Variants in DAB1 observed in about 807,000 individuals in gnomAD.
The protein encoded by DAB1 is disabled homolog 1.
Under a neutral mutation model 64.6 loss-of-function variants are expected in DAB1, and 15 were observed. The ratio of observed to expected loss-of-function variants is 0.23; its 90% CI spans 0.16 to 0.36. The LOEUF (loss-of-function observed/expected upper bound fraction) is 0.36, where lower values mean the gene tolerates loss of function less well. DAB1 is among the 10% of genes least tolerant of loss of function. The probability of loss-of-function intolerance (pLI) is 1.00; values close to 1 mark genes in which losing one functional copy is unlikely to be tolerated. For synonymous variants in DAB1, 235 were observed against 251.9 expected, an observed-to-expected ratio of 0.93 and a Z score of 0.64; for missense variants, 596 against 706.7, an observed-to-expected ratio of 0.84 and a Z score of 1.78.
chr1:57,506,530 T>C (rs1045871884), intron 7 of DAB1, among the ~76,000 whole-genome samples: 1 of 152,230 alleles, frequency 6.6e-6, no homozygotes, highest in Non-Finnish European at 1.5e-5. Context: ...TCTGTGCCTA[T>C]GCAGGGAGAA....
At chr1:57,641,693 T>G (rs1646132713) in intron 7 of DAB1, among the ~76,000 whole-genome samples, 1 of 152,072 alleles carries the variant, frequency 6.6e-6, no homozygotes, top group Non-Finnish European at 1.5e-5. Context: ...CAGCGTAATC[T>G]CTGAATAATA....
intron 4 of DAB1, among the ~76,000 whole-genome samples, chr1:58,275,199 T>G (rs992608868): frequency 6.6e-5 from 10 of 152,310 alleles, no homozygotes; most frequent in African/African-American, 1.9e-4. Context: ...ATCAAAGATG[T>G]AAATATAAGA....
rs1173139030 is a variant in DAB1 at position 57,630,772 on chromosome 1, G to C, written n.625+18820C>G. On this transcript the variant is annotated intron_variant and non_coding_transcript_variant, in intron 7 of 20. Transcript: ENST00000485760. ...TTACCACTGAAATATCCACGGATTTGTTGGTATGCTATTTTCATTATTTTT... is the reference window on the plus strand; with the variant it reads ...TTACCACTGAAATATCCACGGATTTCTTGGTATGCTATTTTCATTATTTTT... Among the ~76,000 whole-genome samples, 15 of 152,142 alleles carry C rather than the reference G, an allele frequency of 9.9e-5. 1 individual carries two copies. Among genetic ancestry groups the C allele is most frequent in the Admixed American group, 9.8e-4 (15 of 15,270 alleles).
At chr1:57,124,570 T>A (rs1656961528) in intron 4 of DAB1, among the ~76,000 whole-genome samples, 2 of 152,206 alleles carry the variant, frequency 1.3e-5, no homozygotes, top group South Asian at 4.1e-4. Flanking sequence ...TCATGAAAGA[T>A]TCAGATCTCA....
At chr1:58,021,741 T>C (rs971036247) in intron 5 of DAB1, among the ~76,000 whole-genome samples, 2 of 152,110 alleles carry the variant, frequency 1.3e-5, no homozygotes, top group Non-Finnish European at 2.9e-5. Flanking sequence ...TAAATGTAGA[T>C]GTGGTATAGG....
At chr1:57,878,976 G>T (rs1032789089) in intron 1 of DAB1, among the ~76,000 whole-genome samples, 1 of 152,108 alleles carries the variant, frequency 6.6e-6, no homozygotes, top group Non-Finnish European at 1.5e-5. Flanking sequence ...TCCTCCAGGC[G>T]TATCCATTTT....
chr1:57,078,409 A>G (rs908012641), intron 4 of DAB1, among the ~76,000 whole-genome samples: 3 of 152,192 alleles, frequency 2.0e-5, no homozygotes, highest in African/African-American at 4.8e-5. Flanking sequence ...CTCTTTTTGT[A>G]TAATACAAAG....
chr1:57,618,252 T>C (rs1470780083), intron 7 of DAB1, among the ~76,000 whole-genome samples: 1 of 151,976 alleles, frequency 6.6e-6, no homozygotes, highest in Non-Finnish European at 1.5e-5. Context: ...CCATCTCTAC[T>C]AAAAATACAA....
intron 3 of DAB1, among the ~76,000 whole-genome samples, chr1:58,349,689 A>C (rs1317746249): frequency 2.6e-5 from 4 of 151,806 alleles, no homozygotes; most frequent in Non-Finnish European, 5.9e-5. Context: ...ACTCCCACTT[A>C]TGAGTGAGAA....
At chr1:58,371,458 G>C (rs1644263749) in intron 3 of DAB1, among the ~76,000 whole-genome samples, 1 of 152,186 alleles carries the variant, frequency 6.6e-6, no homozygotes, top group Non-Finnish European at 1.5e-5. Context: ...AGAAGAAGCA[G>C]AGCAGAAAAG....
chr1:57,026,767 C>T (rs183800707), intron 9 of DAB1, among the ~76,000 whole-genome samples: 8 of 152,320 alleles, frequency 5.3e-5, no homozygotes, highest in Non-Finnish European at 1.0e-4. Flanking sequence ...ACTGCAGACA[C>T]TGCATCATCT....
intron 4 of DAB1, among the ~76,000 whole-genome samples, chr1:57,102,463 T>C (rs1050262247): frequency 2.0e-5 from 3 of 152,180 alleles, no homozygotes; most frequent in Admixed American, 6.5e-5. Flanking sequence ...ATTTTGTAAA[T>C]AGTGTTTGGA....
intron 5 of DAB1, among the ~76,000 whole-genome samples, chr1:57,917,296 GT>G (rs1375618002): frequency 6.6e-6 from 1 of 152,132 alleles, no homozygotes; most frequent in Non-Finnish European, 1.5e-5. Flanking sequence ...GGCTTGAGGT[GT>G]TCCTAAAGGA....
intron 6 of DAB1, among the ~76,000 whole-genome samples, chr1:57,746,325 T>A (rs192293488): frequency 6.6e-6 from 1 of 152,302 alleles, no homozygotes; most frequent in East Asian, 1.9e-4. Context: ...TTTCTTCATT[T>A]TTTTTCTGGA....
At chr1:57,201,592 C>T (rs1418469258) in intron 2 of DAB1, among the ~76,000 whole-genome samples, 5 of 152,050 alleles carry the variant, frequency 3.3e-5, no homozygotes, top group Non-Finnish European at 5.9e-5. Flanking sequence ...AAAATTCATG[C>T]AAAAACACAC....
chr1:58,412,393 G>C (rs1315386001), intron 3 of DAB1, among the ~76,000 whole-genome samples: 1 of 152,146 alleles, frequency 6.6e-6, no homozygotes, highest in Non-Finnish European at 1.5e-5. Context: ...AAGCTGCTTT[G>C]AGTTGGGTTT....
At chr1:57,976,649 T>C (rs1036314620) in intron 5 of DAB1, among the ~76,000 whole-genome samples, 2 of 152,168 alleles carry the variant, frequency 1.3e-5, no homozygotes, top group Non-Finnish European at 2.9e-5. Flanking sequence ...TGCATATCAC[T>C]ATGTGACACT....
At chr1:57,533,620 G>A (rs189562935) in intron 7 of DAB1, among the ~76,000 whole-genome samples, 3 of 149,608 alleles carry the variant, frequency 2.0e-5, no homozygotes, top group Non-Finnish European at 4.4e-5. Flanking sequence ...TTGTGGTTGA[G>A]CTTCAAAAAA....
chr1:57,130,575 G>C (rs1189203289), intron 4 of DAB1, among the ~76,000 whole-genome samples: 2 of 152,024 alleles, frequency 1.3e-5, no homozygotes, highest in Non-Finnish European at 2.9e-5. Context: ...AATACTATCA[G>C]GCCATAAAAA....
Sources: gnomAD v4.1 joint callset for allele counts (sites outside exome capture counted in the v4.1 genomes callset) on GRCh38, gnomAD v4.1.1 for gene constraint, MANE v1.5 for transcripts, NCBI Gene and HGNC (gene_info 2026-07-23, HGNC 2026-07-21) for gene names.